ATRNL1: variants seen among roughly 807,000 people sequenced by gnomAD.
ATRNL1 encodes the protein attractin like 1.
ATRNL1 carries 95 observed loss-of-function variants against 182.7 expected under a neutral mutation model. That is an observed-to-expected ratio of 0.52 (90% CI 0.44 to 0.62). The LOEUF is 0.62. Among genes scored for constraint, ATRNL1 ranks in the 20% least tolerant of loss-of-function variants. ATRNL1 has a pLI of 0.00. For missense variants in ATRNL1, 1,471 were observed against 1,679.5 expected (o/e 0.88, Z 2.17); for synonymous variants, 576 against 568.3 (o/e 1.01, Z -0.19).
At chr10:115,869,109 G>A (rs1287209750) in intron 28 of ATRNL1, among the ~76,000 whole-genome samples, 1 of 152,094 alleles carries the variant, frequency 6.6e-6, no homozygotes, top group Non-Finnish European at 1.5e-5. Flanking sequence ...GATTACAGGC[G>A]TGAGCCACCG....
chr10:115,887,559 A>G (rs1483263625), intron 28 of ATRNL1, among the ~76,000 whole-genome samples: 1 of 152,030 alleles, frequency 6.6e-6, no homozygotes, highest in Non-Finnish European at 1.5e-5. Flanking sequence ...TAAAGGCCTC[A>G]TCTCCTAATA....
intron 28 of ATRNL1, among the ~76,000 whole-genome samples, chr10:115,880,281 A>G (rs1951797322): frequency 6.6e-6 from 1 of 152,132 alleles, no homozygotes; most frequent in South Asian, 2.1e-4. Flanking sequence ...AGGGTGAACT[A>G]TGGAGAAAAG....
At chr10:115,510,894 C>T (rs1554982520) in intron 24 of ATRNL1, among the ~76,000 whole-genome samples, 1 of 151,896 alleles carries the variant, frequency 6.6e-6, no homozygotes, top group African/African-American at 2.4e-5. Flanking sequence ...ACAGAAACCT[C>T]TTTTGGGGTT....
At chr10:115,632,216 C>A (rs182602061) in intron 26 of ATRNL1, among the ~76,000 whole-genome samples, 213 of 152,200 alleles carry the variant, frequency 1.4e-3, no homozygotes, top group African/African-American at 4.7e-3. Flanking sequence ...ACCATATAGG[C>A]AAGTAATCCA....
In ATRNL1 at chr10:115,348,295, G is replaced by A. The variant is rs576260434; in HGVS notation, c.3175+13876G>A. On this transcript the variant is annotated intron_variant, in intron 19 of 28. Transcript: ENST00000355044. ...GCCTATTTAACTTTTTAGTGTCTTA[G>A]TTTTCTCATCTGCAAAATGCAGCTA... 2.0e-5 allele frequency among the ~76,000 whole-genome samples: 3 copies of A among 152,168 alleles called. No homozygotes were observed. The East Asian group carries it at 5.8e-4, about 29-fold the overall frequency.
At chr10:115,824,711 A>G (rs897968425) in intron 27 of ATRNL1, among the ~76,000 whole-genome samples, 2 of 152,200 alleles carry the variant, frequency 1.3e-5, no homozygotes, top group African/African-American at 2.4e-5. Flanking sequence ...AATCAAAACC[A>G]CAATGAGATA....
intron 28 of ATRNL1, among the ~76,000 whole-genome samples, chr10:115,875,001 G>C (rs1368252302): frequency 6.6e-6 from 1 of 152,136 alleles, no homozygotes; most frequent in Non-Finnish European, 1.5e-5. Flanking sequence ...AGATCAGCTA[G>C]GAAAAATTAC....
At chr10:115,254,778 T>G (rs1297329659) in intron 10 of ATRNL1, among the ~76,000 whole-genome samples, 9 of 152,176 alleles carry the variant, frequency 5.9e-5, no homozygotes, top group African/African-American at 2.2e-4. Context: ...GGTCTAACAT[T>G]TAAGTCTTTA....
intron 20 of ATRNL1, among the ~76,000 whole-genome samples, chr10:115,412,499 A>G (rs1259356391): frequency 6.6e-6 from 1 of 152,224 alleles, no homozygotes; most frequent in African/African-American, 2.4e-5. Flanking sequence ...TGTGTTGATT[A>G]TAGTTACCAA....
intron 28 of ATRNL1, among the ~76,000 whole-genome samples, chr10:115,896,154 C>G (rs143779473): frequency 6.6e-6 from 1 of 152,120 alleles, no homozygotes; most frequent in Non-Finnish European, 1.5e-5. Flanking sequence ...CCCATAAAAA[C>G]ATATTGCCCA....
chr10:115,100,361 AT>A lies in ATRNL1; in HGVS notation c.293+6326del, dbSNP rs535526552. Among the ~76,000 whole-genome samples, 120 of 151,840 alleles carry A rather than the reference AT, an allele frequency of 7.9e-4. 1 individual carries two copies. Among genetic ancestry groups the A allele is most frequent in the Non-Finnish European group, 1.5e-3 (102 of 67,928 alleles). On this transcript the variant is annotated intron_variant, in intron 1 of 28. Transcript: ENST00000355044. The stretch of plus-strand genomic sequence containing the variant: ...AACCAAGTTGATGAAGATTTTCTTC[AT>A]TTTTTTTCTCTAGAAGTTTTGTAAT...
rs1953704637 is a variant in ATRNL1 at position 115,940,693 on chromosome 10, CTCTCT to C, written c.4019-3959_4019-3955del. Reference sequence around the variant, plus strand: ...GATTACTCTCTCTCTCTCTCTCTCTCTCTCTTCTCTCTCTCTCTCTTTTAGTGAGT... The same window carrying C: ...GATTACTCTCTCTCTCTCTCTCTCTCTCTCTCTCTCTCTCTTTTAGTGAGT... On this transcript the variant is annotated intron_variant, in intron 28 of 28. Transcript: ENST00000355044. Among the ~76,000 whole-genome samples, 2 of 59,294 alleles carry C rather than the reference CTCTCT, an allele frequency of 3.4e-5. 1 individual carries two copies. Among genetic ancestry groups the C allele is most frequent in the Admixed American group, 2.9e-4 (2 of 7,006 alleles). 38.9% of individuals were successfully genotyped at this position (59,294 alleles called of 152,430 possible).
intron 26 of ATRNL1, among the ~76,000 whole-genome samples, chr10:115,556,640 T>C (rs1203760852): frequency 2.6e-5 from 4 of 152,172 alleles, no homozygotes; most frequent in Non-Finnish European, 4.4e-5. Context: ...AGGTGTTTAG[T>C]ACTAAGCGAA....
At chr10:115,511,751 G>A (rs1283674584) in intron 24 of ATRNL1, among the ~76,000 whole-genome samples, 1 of 151,656 alleles carries the variant, frequency 6.6e-6, no homozygotes, top group Non-Finnish European at 1.5e-5. Flanking sequence ...TAAAAATATA[G>A]CATATCTTAA....
At chr10:115,099,831 G>T (rs571406541) in intron 1 of ATRNL1, among the ~76,000 whole-genome samples, 1 of 152,222 alleles carries the variant, frequency 6.6e-6, no homozygotes, top group Non-Finnish European at 1.5e-5. Context: ...AGCTTCTTAT[G>T]AGGTATATCA....
At chr10:115,807,841 G>A (rs1949956451) in intron 27 of ATRNL1, among the ~76,000 whole-genome samples, 1 of 152,128 alleles carries the variant, frequency 6.6e-6, no homozygotes, top group African/African-American at 2.4e-5. Context: ...ACCTGAAATA[G>A]CTTCTTGTTC....
intron 26 of ATRNL1, among the ~76,000 whole-genome samples, chr10:115,582,314 C>G (rs1336822742): frequency 2.7e-5 from 4 of 145,882 alleles, no homozygotes; most frequent in African/African-American, 5.0e-5. Flanking sequence ...CCTGAGGAAT[C>G]GCCACACTGA....
At chr10:115,485,640 TCAATCACC>T (rs1379021757) in intron 24 of ATRNL1, among the ~76,000 whole-genome samples, 1 of 152,100 alleles carries the variant, frequency 6.6e-6, no homozygotes, top group Non-Finnish European at 1.5e-5. Context: ...AACCCCCTCC[TCAATCACC>T]CAACGTCTTT....
chr10:115,181,098 G>C (rs529388687), intron 8 of ATRNL1, among the ~76,000 whole-genome samples: 19 of 151,980 alleles, frequency 1.3e-4, no homozygotes, highest in African/African-American at 4.6e-4. Context: ...CTAATGAACA[G>C]ATAAATGGGA....
Sources: gnomAD v4.1 joint callset for allele counts (sites outside exome capture counted in the v4.1 genomes callset) on GRCh38, gnomAD v4.1.1 for gene constraint, MANE v1.5 for transcripts, NCBI Gene and HGNC (gene_info 2026-07-23, HGNC 2026-07-21) for gene names.